EGFLAM: variants seen among roughly 807,000 people sequenced by gnomAD.
EGFLAM encodes the protein pikachurin.
A neutral mutation model predicts 113.1 loss-of-function variants in EGFLAM; 79 were observed. The observed-to-expected ratio is 0.70, with a 90% confidence interval of 0.58 to 0.84. The LOEUF (loss-of-function observed/expected upper bound fraction) is 0.84. Among genes scored for constraint, EGFLAM ranks in the 40% least tolerant of loss-of-function variants. The probability of loss-of-function intolerance (pLI) is 0.00; values close to 1 mark genes in which losing one functional copy is unlikely to be tolerated. For missense variants in EGFLAM, 1,265 were observed against 1,291.6 expected (o/e 0.98, Z 0.32); for synonymous variants, 504 against 487.6 (o/e 1.03, Z -0.44).
At chr5:38,314,325 A>G (rs1467402637) in intron 1 of EGFLAM, among the ~76,000 whole-genome samples, 2 of 152,212 alleles carry the variant, frequency 1.3e-5, no homozygotes, top group South Asian at 2.1e-4. Context: ...GTTCTGTTCT[A>G]TTGATCTTCC....
At chr5:38,391,784 T>C (rs1475930211) in intron 6 of EGFLAM, among the ~76,000 whole-genome samples, 10 of 152,006 alleles carry the variant, frequency 6.6e-5, no homozygotes, top group Non-Finnish European at 1.5e-4. Flanking sequence ...CAATGCCTTT[T>C]CTTTTTTTTG....
intron 1 of EGFLAM, among the ~76,000 whole-genome samples, chr5:38,328,292 A>G (rs1320022294): frequency 6.6e-6 from 1 of 152,170 alleles, no homozygotes; most frequent in African/African-American, 2.4e-5. Flanking sequence ...TCACGAGAAC[A>G]ACAAGGGAGA....
At chr5:38,390,641 C>G (rs1561063383) in intron 6 of EGFLAM, among the ~76,000 whole-genome samples, 3 of 152,190 alleles carry the variant, frequency 2.0e-5, no homozygotes, top group Admixed American at 1.3e-4. Context: ...TACTCCACAT[C>G]CTTGTCAACA....
chr5:38,359,087 T>C (rs1354140510), intron 5 of EGFLAM, among the ~76,000 whole-genome samples: 1 of 152,222 alleles, frequency 6.6e-6, no homozygotes, highest in African/African-American at 2.4e-5. Context: ...TTCCCCCTTC[T>C]GCCTAAGAAT....
intron 2 of EGFLAM, among the ~76,000 whole-genome samples, chr5:38,338,201 G>A (rs1010897020): frequency 6.6e-6 from 1 of 152,064 alleles, no homozygotes; most frequent in Non-Finnish European, 1.5e-5. Flanking sequence ...CTGGCCACAC[G>A]GGGTCCACAT....
intron 20 of EGFLAM, among the ~76,000 whole-genome samples, chr5:38,458,838 G>A (rs145400924): frequency 1.6e-4 from 24 of 152,138 alleles, no homozygotes; most frequent in African/African-American, 5.5e-4. Flanking sequence ...AAAATTGGCT[G>A]GATGTGGTGG....
chr5:38,370,559 C>A, intron 6 of EGFLAM, 97 bp downstream of exon 6: 1 of 1,423,574 alleles, frequency 7.0e-7, no homozygotes, highest in Non-Finnish European at 9.4e-7. Context: ...AGAAGGACAG[C>A]CTGGAAAAGG....
chr5:38,427,317 A>C, intron 14 of EGFLAM, 65 bp downstream of exon 14: 1 of 1,577,004 alleles, frequency 6.3e-7, no homozygotes, highest in Non-Finnish European at 8.6e-7. Context: ...CTTCAGAAAA[A>C]AACCAAATCG....
In EGFLAM at chr5:38,260,299, TAAAC is replaced by T. The variant is rs1561252522; in HGVS notation, c.97+1452_97+1455del. 2.0e-5 allele frequency among the ~76,000 whole-genome samples: 3 copies of T among 152,372 alleles called. No homozygotes were observed. In the South Asian group the frequency reaches 6.2e-4, roughly 32 times the overall value. ...ATCATCTATTAATTGTCACAATTTTTAAACAAAGCATAGTTATATCTATAGTTTT... is the reference window on the plus strand; with the variant it reads ...ATCATCTATTAATTGTCACAATTTTTAAAGCATAGTTATATCTATAGTTTT... On this transcript the variant is annotated intron_variant, in intron 1 of 21. Transcript: ENST00000322350.
intron 15 of EGFLAM, among the ~76,000 whole-genome samples, chr5:38,432,260 G>T (rs1742211674): frequency 6.6e-6 from 1 of 152,074 alleles, no homozygotes; most frequent in Non-Finnish European, 1.5e-5. Context: ...AAAAAGAAAA[G>T]GAAAGAAAAG....
In EGFLAM at chr5:38,258,841, C is replaced by T. The variant is rs1638359729; in HGVS notation, c.87C>T (p.Ile29=). The T allele has an allele frequency of 6.2e-7, 1 of 1,611,816 alleles. No homozygotes were observed. The highest frequency in any genetic ancestry group is 8.5e-7 in the Non-Finnish European group (1 of 1,179,302). ...GCGCGGTGTCGCTCCGAGCGGCCAT[C>T]CGAAAACCAGGTAATGCGCTCCTCC... ...GPGAVSLRAA[I]RKPGKVGPPL... Residue 29 remains isoleucine, a synonymous_variant, in exon 1 of 22, where the codon ATC becomes ATT. Transcript: ENST00000322350.
At chr5:38,338,559 T>A in intron 2 of EGFLAM, 139 bp from the exon 3 acceptor site, 2 of 736,198 alleles carry the variant, frequency 2.7e-6, no homozygotes, top group South Asian at 3.4e-5. Context: ...GTAGGTCTGA[T>A]GTGTGTTCCC....
At chr5:38,438,478 C>G (rs1327307341) in intron 17 of EGFLAM, 23 bp downstream of exon 17, 2 of 1,570,702 alleles carry the variant, frequency 1.3e-6, no homozygotes, top group Non-Finnish European at 1.7e-6. Flanking sequence ...GTCTGAGGCA[C>G]AGCTCCCTGG....
At chr5:38,448,161 T>C (rs1742780633) in intron 17 of EGFLAM, 140 bp from the exon 18 acceptor site, 4 of 903,136 alleles carry the variant, frequency 4.4e-6, no homozygotes, top group Admixed American at 2.1e-5. Flanking sequence ...TGGCCAAATA[T>C]GCGTGCAGCC....
At chr5:38,296,933 T>A (rs1416621582) in intron 1 of EGFLAM, among the ~76,000 whole-genome samples, 1 of 151,650 alleles carries the variant, frequency 6.6e-6, no homozygotes, top group Non-Finnish European at 1.5e-5. Flanking sequence ...GCAATCTAAT[T>A]GTGAAAAAAA....
intron 1 of EGFLAM, among the ~76,000 whole-genome samples, chr5:38,279,127 T>G (rs1387918227): frequency 1.3e-5 from 2 of 152,052 alleles, no homozygotes; most frequent in Non-Finnish European, 2.9e-5. Context: ...CTCAATAATA[T>G]CACTAATCAT....
intron 5 of EGFLAM, among the ~76,000 whole-genome samples, chr5:38,364,381 G>C (rs1290054573): frequency 2.0e-5 from 3 of 152,108 alleles, no homozygotes; most frequent in African/African-American, 7.2e-5. Context: ...GGACACATCA[G>C]AGATTACCAG....
chr5:38,323,745 T>G (rs1057077512), intron 1 of EGFLAM, among the ~76,000 whole-genome samples: 17 of 152,102 alleles, frequency 1.1e-4, no homozygotes, highest in Non-Finnish European at 1.8e-4. Flanking sequence ...AAAAAAAAAT[T>G]TGTTTCATTA....
At chr5:38,338,674 C>G (rs971975831) in intron 2 of EGFLAM, 24 bp from the exon 3 acceptor site, 1 of 1,612,048 alleles carries the variant, frequency 6.2e-7, no homozygotes, top group African/African-American at 1.3e-5. Flanking sequence ...TCTGCTCTCA[C>G]CAGGGTGTCT....
Sources: allele counts gnomAD v4.1 joint callset (sites outside exome capture counted in the v4.1 genomes callset), GRCh38; gene constraint gnomAD v4.1.1; transcripts MANE v1.5; gene names NCBI Gene and HGNC (gene_info 2026-07-23, HGNC 2026-07-21).